Variants in COL25A1 observed in about 807,000 individuals in gnomAD.
COL25A1 encodes the protein collagen type XXV alpha 1 chain, also known as collagen alpha-1(XXV) chain.
In COL25A1, 103 loss-of-function variants were observed where a neutral mutation model predicts 128.4. That is an observed-to-expected ratio of 0.80 (90% CI 0.68 to 0.94). COL25A1 has a LOEUF of 0.94. COL25A1 is among the 40% of genes least tolerant of loss of function. The probability of loss-of-function intolerance (pLI) is 0.00; values close to 1 mark genes in which losing one functional copy is unlikely to be tolerated. For missense variants in COL25A1, 745 were observed against 840.0 expected (o/e 0.89, Z 1.40); for synonymous variants, 279 against 277.2 (o/e 1.01, Z -0.06).
intron 3 of COL25A1, among the ~76,000 whole-genome samples, chr4:109,072,349 T>A (rs1763040519): frequency 6.6e-6 from 1 of 152,232 alleles, no homozygotes. Flanking sequence ...TTGAACATTT[T>A]TTATTTAATA....
At chr4:109,199,096 T>C (rs865985980) in intron 3 of COL25A1, among the ~76,000 whole-genome samples, 2 of 152,188 alleles carry the variant, frequency 1.3e-5, no homozygotes, top group Non-Finnish European at 2.9e-5. Flanking sequence ...CTTAAAGCAC[T>C]TGACATTTTT....
Position 109,172,192 on chromosome 4 carries a change from G to A in COL25A1, c.368-122013C>T, listed in dbSNP as rs144098897. ...CCTTCCATCCACTGTTCAAAAATAT[G>A]TGTTGCACCAGGCACTGTGCTAAGG... is the stretch of plus-strand genomic sequence containing the variant. On this transcript the variant is annotated intron_variant, in intron 3 of 37. Transcript: ENST00000399132. 1.6e-3 allele frequency among the ~76,000 whole-genome samples: 249 copies of A among 152,150 alleles called. 3 individuals are homozygous for A. Among genetic ancestry groups the A allele is most frequent in the African/African-American group, 5.5e-3 (230 of 41,514 alleles).
intron 6 of COL25A1, among the ~76,000 whole-genome samples, chr4:108,994,124 C>A (rs951683343): frequency 1.3e-5 from 2 of 152,128 alleles, no homozygotes; most frequent in Non-Finnish European, 1.5e-5. Context: ...GTGCAGCCCA[C>A]AGAGGGCTAC....
intron 6 of COL25A1, among the ~76,000 whole-genome samples, chr4:108,994,237 G>A (rs1044818561): frequency 2.0e-5 from 3 of 152,142 alleles, no homozygotes; most frequent in Admixed American, 6.5e-5. Flanking sequence ...CTGGAGAAAC[G>A]GTACATTCCT....
At chr4:109,104,893 A>T (rs1766271158) in intron 3 of COL25A1, among the ~76,000 whole-genome samples, 1 of 152,250 alleles carries the variant, frequency 6.6e-6, no homozygotes, top group Admixed American at 6.5e-5. Flanking sequence ...GCCATTTATT[A>T]GATGCAATAA....
At position 108,832,518 on chromosome 4, in the gene COL25A1, G is replaced by A. The variant is rs1049988407; in HGVS notation, c.1657-85C>T. On this transcript the variant is annotated intron_variant, in intron 31 of 37. Transcript: ENST00000399132. ...ATCCTGGATTTTTCCTAGGTGAATG[G>A]TGCCTAAGAATATCAGTAAGACAAC... 33 of 847,526 alleles carry A rather than the reference G, an allele frequency of 3.9e-5. No homozygotes were observed. The East Asian group carries it at 8.6e-4, about 22-fold the overall frequency. 52.5% of individuals were successfully genotyped at this position (847,526 alleles called of 1,614,324 possible).
At position 108,930,566 on chromosome 4, in the gene COL25A1, C is replaced by T. The variant is rs1156553208; in HGVS notation, c.708+7242G>A. 1.1e-4 allele frequency among the ~76,000 whole-genome samples: 17 copies of T among 152,198 alleles called. 1 individual carries two copies. The highest frequency in any genetic ancestry group is 1.1e-3 in the Admixed American group (17 of 15,278). ...GATAGATGAAATTTGGTCCTGTGAG[C>T]ATTCAAGAACCTTTATAAAGTTAGA... On this transcript the variant is annotated intron_variant, in intron 11 of 37. Transcript: ENST00000399132.
chr4:109,144,304 G>A (rs1770726786), intron 3 of COL25A1, among the ~76,000 whole-genome samples: 2 of 152,164 alleles, frequency 1.3e-5, no homozygotes, highest in South Asian at 4.1e-4. Flanking sequence ...GATGCCAGCT[G>A]GAGCTCTCCT....
chr4:109,107,315 C>A (rs1353060083), intron 3 of COL25A1, among the ~76,000 whole-genome samples: 3 of 151,950 alleles, frequency 2.0e-5, no homozygotes, highest in African/African-American at 7.3e-5. Context: ...ATTGAAGGTC[C>A]TCAGGAGTTA....
At chr4:109,240,574 C>G (rs569013092) in intron 3 of COL25A1, among the ~76,000 whole-genome samples, 6 of 152,062 alleles carry the variant, frequency 3.9e-5, no homozygotes, top group African/African-American at 1.4e-4. Context: ...GCTCCATTGG[C>G]CCAAATGGTT....
At chr4:108,848,655 G>A in intron 27 of COL25A1, 104 bp downstream of exon 27, 2 of 778,024 alleles carry the variant, frequency 2.6e-6, no homozygotes, top group South Asian at 1.6e-5. Flanking sequence ...AAAAGAAAGA[G>A]GGTATCAAAT....
chr4:108,832,355 C>T, intron 32 of COL25A1, 25 bp downstream of exon 32: 1 of 1,581,728 alleles, frequency 6.3e-7, no homozygotes, highest in Non-Finnish European at 8.6e-7. Context: ...TTAGTACAAG[C>T]TTAATAACCT....
chr4:109,027,898 T>C (rs1397746189), intron 5 of COL25A1, among the ~76,000 whole-genome samples: 1 of 152,086 alleles, frequency 6.6e-6, no homozygotes, highest in Non-Finnish European at 1.5e-5. Context: ...CATGCTAAAT[T>C]TGAGATCTCT....
chr4:108,857,369 C>G (rs1736650261), intron 24 of COL25A1, among the ~76,000 whole-genome samples: 1 of 151,892 alleles, frequency 6.6e-6, no homozygotes. Flanking sequence ...ATTTAGAAAA[C>G]TAGTTCTAGA....
At chr4:109,135,104 G>A (rs1021543159) in intron 3 of COL25A1, among the ~76,000 whole-genome samples, 16 of 150,874 alleles carry the variant, frequency 1.1e-4, no homozygotes, top group African/African-American at 3.9e-4. Context: ...AAAAGGTGGT[G>A]ATCAAGTGTG....
At chr4:109,216,316 C>CG (rs1358518413) in intron 3 of COL25A1, among the ~76,000 whole-genome samples, 1 of 149,862 alleles carries the variant, frequency 6.7e-6, no homozygotes, top group Non-Finnish European at 1.5e-5. Context: ...GAAGGAAAGA[C>CG]GGAAGGAAGG....
chr4:109,160,351 A>C (rs1033645296), intron 3 of COL25A1, among the ~76,000 whole-genome samples: 1 of 152,218 alleles, frequency 6.6e-6, no homozygotes, highest in East Asian at 1.9e-4. Context: ...CTGAATTAGC[A>C]AAATGAAAAC....
chr4:108,943,309 A>G (rs1748358412), intron 8 of COL25A1, among the ~76,000 whole-genome samples: 1 of 152,246 alleles, frequency 6.6e-6, no homozygotes. Context: ...AACTCAGGAC[A>G]TACAATACGT....
intron 3 of COL25A1, among the ~76,000 whole-genome samples, chr4:109,136,190 G>C (rs1769730006): frequency 6.6e-6 from 1 of 152,116 alleles, no homozygotes; most frequent in African/African-American, 2.4e-5. Flanking sequence ...CTGAGGTCAG[G>C]AGTTCGAGAC....
Sources: gnomAD v4.1 joint callset for allele counts (sites outside exome capture counted in the v4.1 genomes callset) on GRCh38, gnomAD v4.1.1 for gene constraint, MANE v1.5 for transcripts, NCBI Gene and HGNC (gene_info 2026-07-23, HGNC 2026-07-21) for gene names.